Variants in NDRG3 observed in about 807,000 individuals in gnomAD.
NDRG3 encodes the protein NDRG family member 3, also known as protein NDRG3.
Under a neutral mutation model 57.2 loss-of-function variants are expected in NDRG3, and 23 were observed. The observed-to-expected ratio is 0.40, with a 90% confidence interval of 0.29 to 0.57. The LOEUF is 0.57. Among genes scored for constraint, NDRG3 ranks in the 20% least tolerant of loss-of-function variants. The probability of loss-of-function intolerance (pLI) is 0.42; values close to 1 mark genes in which losing one functional copy is unlikely to be tolerated. For missense variants in NDRG3, 384 were observed against 457.3 expected (o/e 0.84, Z 1.46); for synonymous variants, 132 against 162.6 (o/e 0.81, Z 1.43).
intron 8 of NDRG3, among the ~76,000 whole-genome samples, chr20:36,678,766 T>C (rs1369415536): frequency 6.6e-6 from 1 of 152,262 alleles, no homozygotes; most frequent in African/African-American, 2.4e-5. Context: ...TTTTAATGAC[T>C]AAAGCTATTT....
At chr20:36,718,984 C>T (rs532022862) in intron 2 of NDRG3, among the ~76,000 whole-genome samples, 1 of 152,200 alleles carries the variant, frequency 6.6e-6, no homozygotes, top group South Asian at 2.1e-4. Flanking sequence ...TAGGTGTGTG[C>T]CTGGCTCAGA....
intron 1 of NDRG3, among the ~76,000 whole-genome samples, chr20:36,735,175 C>A (rs568941814): frequency 6.6e-6 from 1 of 152,114 alleles, no homozygotes; most frequent in African/African-American, 2.4e-5. Flanking sequence ...CCATATCACA[C>A]GTTTAACAGT....
intron 3 of NDRG3, among the ~76,000 whole-genome samples, chr20:36,692,222 G>A (rs529380353): frequency 1.9e-4 from 29 of 152,142 alleles, no homozygotes; most frequent in African/African-American, 6.3e-4. Context: ...TGTTTTTTAC[G>A]TTTTGTTTTG....
intron 8 of NDRG3, among the ~76,000 whole-genome samples, chr20:36,679,112 C>T (rs913739443): frequency 2.0e-5 from 3 of 152,110 alleles, no homozygotes; most frequent in African/African-American, 7.2e-5. Context: ...CATCATGCCC[C>T]ACACCCCAGC....
At chr20:36,676,882 C>T (rs983206756) in intron 8 of NDRG3, among the ~76,000 whole-genome samples, 3 of 152,240 alleles carry the variant, frequency 2.0e-5, no homozygotes, top group East Asian at 3.9e-4. Context: ...CCGCCCCTTC[C>T]GGGTTGGGAC....
chr20:36,741,662 C>T (rs917860366), intron 1 of NDRG3, among the ~76,000 whole-genome samples: 22 of 152,168 alleles, frequency 1.4e-4, no homozygotes, highest in African/African-American at 5.3e-4. Flanking sequence ...ACACCTGACT[C>T]ACACGCACTT....
chr20:36,704,326 C>T (rs1983421556), intron 3 of NDRG3, among the ~76,000 whole-genome samples: 1 of 152,156 alleles, frequency 6.6e-6, no homozygotes, highest in Non-Finnish European at 1.5e-5. Context: ...CTCCTGACCT[C>T]AGCCTCCCAA....
intron 13 of NDRG3, among the ~76,000 whole-genome samples, chr20:36,658,268 A>G (rs985995458): frequency 6.6e-6 from 1 of 152,144 alleles, no homozygotes; most frequent in African/African-American, 2.4e-5. Context: ...AGTAGCTGGG[A>G]TTACAGGTGC....
At chr20:36,738,120 A>G (rs1985702354) in intron 1 of NDRG3, among the ~76,000 whole-genome samples, 1 of 152,092 alleles carries the variant, frequency 6.6e-6, no homozygotes, top group African/African-American at 2.4e-5. Context: ...TATTATCATT[A>G]CTACTTTAAT....
intron 13 of NDRG3, among the ~76,000 whole-genome samples, chr20:36,657,259 G>A (rs559837833): frequency 3.3e-5 from 5 of 152,158 alleles, no homozygotes; most frequent in Admixed American, 3.3e-4. Context: ...GGCCGAGGTC[G>A]GGGGGATCAC....
chr20:36,709,677 T>C (rs1295156693), intron 2 of NDRG3, among the ~76,000 whole-genome samples: 1 of 152,168 alleles, frequency 6.6e-6, no homozygotes, highest in Admixed American at 6.6e-5. Context: ...AATTTACAGA[T>C]AGACTATGAG....
intron 12 of NDRG3, among the ~76,000 whole-genome samples, chr20:36,663,043 T>G (rs1600857694): frequency 6.6e-6 from 1 of 152,356 alleles, no homozygotes; most frequent in East Asian, 1.9e-4. Context: ...TTAAAAATGC[T>G]TTTGACAGTT....
At chr20:36,662,224 C>CTTTTT in intron 12 of NDRG3, among the ~76,000 whole-genome samples, 2 of 149,248 alleles carry the variant, frequency 1.3e-5, no homozygotes, top group African/African-American at 4.9e-5. Context: ...ACTGTTTTTT[C>CTTTTT]TTTTTCTTTT....
intron 13 of NDRG3, among the ~76,000 whole-genome samples, chr20:36,659,135 G>C (rs1978933822): frequency 1.3e-5 from 2 of 151,900 alleles, no homozygotes. Context: ...TGTTTTTGTA[G>C]AGACAGAGTC....
intron 1 of NDRG3, among the ~76,000 whole-genome samples, chr20:36,722,269 C>T (rs1312035497): frequency 6.6e-6 from 1 of 152,116 alleles, no homozygotes; most frequent in Non-Finnish European, 1.5e-5. Flanking sequence ...CTGCCAACAA[C>T]AGGAGCCTGG....
intron 2 of NDRG3, among the ~76,000 whole-genome samples, chr20:36,715,006 G>GTATATATATATA (rs545495779): frequency 3.7e-5 from 1 of 26,710 alleles, no homozygotes; most frequent in Admixed American, 6.3e-4. Context: ...GTGTGTGTGT[G>GTATATATATATA]TATATATATA....
intron 2 of NDRG3, among the ~76,000 whole-genome samples, chr20:36,720,914 T>C (rs1984553957): frequency 6.6e-6 from 1 of 151,840 alleles, no homozygotes; most frequent in Admixed American, 6.6e-5. Context: ...TAGCTGGGAT[T>C]ACAGGTGTGT....
intron 1 of NDRG3, among the ~76,000 whole-genome samples, chr20:36,741,731 G>A (rs1196317964): frequency 1.3e-5 from 2 of 152,088 alleles, no homozygotes; most frequent in African/African-American, 4.8e-5. Context: ...CTAATCAAGT[G>A]GTTCTCAAAG....
intron 10 of NDRG3, 116 bp downstream of exon 10, chr20:36,666,173 C>G (rs919547746): frequency 1.3e-6 from 1 of 761,322 alleles, no homozygotes; most frequent in East Asian, 2.6e-5. Context: ...AAGGGGCTCA[C>G]ATTTTCACCT....
Sources: gnomAD v4.1 joint callset for allele counts (sites outside exome capture counted in the v4.1 genomes callset) on GRCh38, gnomAD v4.1.1 for gene constraint, MANE v1.5 for transcripts, NCBI Gene and HGNC (gene_info 2026-07-23, HGNC 2026-07-21) for gene names.